Variants in KHDRBS3 observed in about 807,000 individuals in gnomAD.
KHDRBS3 encodes the protein KH RNA binding domain containing, signal transduction associated 3, also known as KH domain-containing, RNA-binding, signal transduction-associated protein 3.
KHDRBS3 carries 23 observed loss-of-function variants against 45.6 expected under a neutral mutation model. The observed-to-expected ratio is 0.50, with a 90% CI of 0.36 to 0.72. The LOEUF is 0.72. Ranked by LOEUF, KHDRBS3 falls within the 30% of genes least tolerant of loss-of-function variation. KHDRBS3 has a pLI of 0.00. For missense variants in KHDRBS3, 352 were observed against 424.8 expected, an observed-to-expected ratio of 0.83 and a Z score of 1.51; for synonymous variants, 162 against 156.5, an observed-to-expected ratio of 1.04 and a Z score of -0.26.
chr8:135,520,312 A>C (rs1392570252), intron 1 of KHDRBS3, among the ~76,000 whole-genome samples: 1 of 152,174 alleles, frequency 6.6e-6, no homozygotes, highest in Admixed American at 6.5e-5. Context: ...TGGAGGTAAC[A>C]GTACTCATTC....
intron 1 of KHDRBS3, among the ~76,000 whole-genome samples, chr8:135,472,149 G>A (rs576540390): frequency 7.9e-5 from 12 of 152,182 alleles, no homozygotes; most frequent in Non-Finnish European, 1.8e-4. Context: ...TACTGATTTT[G>A]AGGAGAGATC....
intron 7 of KHDRBS3, among the ~76,000 whole-genome samples, chr8:135,635,174 T>C (rs1830758311): frequency 6.6e-6 from 1 of 152,260 alleles, no homozygotes; most frequent in African/African-American, 2.4e-5. Context: ...TCTATTTTTA[T>C]GAAAAATCTC....
Position 135,604,923 on chromosome 8 carries a change from GTC to G in KHDRBS3, c.808-2030_808-2029del, listed in dbSNP as rs796462908. On this transcript the variant is annotated intron_variant, in intron 6 of 8. Transcript: ENST00000355849. ...CTGGATGGAGAAATTTTAGTTGACA[GTC>G]TTTTTTTTTTTCTTAAGAACTTGTT... 2.7e-3 allele frequency among the ~76,000 whole-genome samples: 408 copies of G among 150,748 alleles called. 3 individuals carry two copies. Among genetic ancestry groups the G allele is most frequent in the African/African-American group, 9.3e-3 (382 of 41,258 alleles).
At chr8:135,639,628 C>G (rs1374694484) in intron 7 of KHDRBS3, among the ~76,000 whole-genome samples, 1 of 152,108 alleles carries the variant, frequency 6.6e-6, no homozygotes, top group Non-Finnish European at 1.5e-5. Flanking sequence ...TAAAGAAGTA[C>G]CTGGGGCTGG....
intron 1 of KHDRBS3, among the ~76,000 whole-genome samples, chr8:135,463,870 G>A (rs1184206908): frequency 1.3e-5 from 2 of 152,202 alleles, no homozygotes; most frequent in Non-Finnish European, 2.9e-5. Context: ...TAGAAGGAGA[G>A]TGTTCCTTGG....
chr8:135,580,800 A>C (rs951437222), intron 5 of KHDRBS3, among the ~76,000 whole-genome samples: 12 of 151,872 alleles, frequency 7.9e-5, no homozygotes, highest in Admixed American at 3.3e-4. Context: ...TTTAGTAGAG[A>C]TGGAGTTTTG....
At chr8:135,653,107 A>G (rs763808566) in intron 4 of KHDRBS3, among the ~76,000 whole-genome samples, 1 of 152,220 alleles carries the variant, frequency 6.6e-6, no homozygotes, top group Non-Finnish European at 1.5e-5. Context: ...CCTAACAGAC[A>G]GTCAAAACAA....
At chr8:135,650,562 C>G (rs1455542727), downstream of KHDRBS3, among the ~76,000 whole-genome samples, 1 of 152,204 alleles carries the variant, frequency 6.6e-6, no homozygotes, top group African/African-American at 2.4e-5. Context: ...AGGTGAATTT[C>G]ACACTTATGT....
At chr8:135,509,919 GAT>G (rs1320777523) in intron 1 of KHDRBS3, among the ~76,000 whole-genome samples, 1 of 147,980 alleles carries the variant, frequency 6.8e-6, no homozygotes, top group African/African-American at 2.6e-5. Flanking sequence ...CATTCTATAA[GAT>G]AAGAGCTATT....
intron 1 of KHDRBS3, among the ~76,000 whole-genome samples, chr8:135,520,181 T>C (rs1824836354): frequency 6.6e-6 from 1 of 152,238 alleles, no homozygotes; most frequent in South Asian, 2.1e-4. Flanking sequence ...TAAATGTTCC[T>C]AGCTTAACAA....
At chr8:135,506,511 C>A (rs1416029480) in intron 1 of KHDRBS3, among the ~76,000 whole-genome samples, 1 of 150,778 alleles carries the variant, frequency 6.6e-6, no homozygotes, top group African/African-American at 2.4e-5. Context: ...TCAAGCAATT[C>A]TCCTGCCTCA....
chr8:135,645,992 A>ATTTTTTT (rs57082119), intron 8 of KHDRBS3, among the ~76,000 whole-genome samples: 10 of 100,712 alleles, frequency 9.9e-5, no homozygotes, highest in East Asian at 2.9e-4. Flanking sequence ...TGCACCTTGG[A>ATTTTTTT]TTTTTTTTTT....
intron 4 of KHDRBS3, chr8:135,549,257 T>C (rs1013996782): frequency 6.1e-6 from 1 of 162,744 alleles, no homozygotes; most frequent in African/African-American, 2.4e-5. Flanking sequence ...CTGTGTGCCA[T>C]GCACAGTGCT....
At chr8:135,626,034 G>A (rs1163469766) in intron 7 of KHDRBS3, 3 of 604,600 alleles carry the variant, frequency 5.0e-6, no homozygotes, top group South Asian at 4.2e-5. Flanking sequence ...TCCGGTTCCA[G>A]TTCCTTACTT....
intron 5 of KHDRBS3, among the ~76,000 whole-genome samples, chr8:135,560,684 C>T (rs1332786779): frequency 6.6e-6 from 1 of 152,184 alleles, no homozygotes; most frequent in Non-Finnish European, 1.5e-5. Context: ...CAGATGAAAA[C>T]TCATCCCTCG....
chr8:135,593,430 C>CT (rs1828836225), intron 6 of KHDRBS3: 1 of 152,092 alleles, frequency 6.6e-6, no homozygotes, highest in Non-Finnish European at 1.5e-5. Flanking sequence ...CTCCATTATA[C>CT]TTTAAGTTGT....
At chr8:135,556,417 G>C (rs1826889124) in intron 4 of KHDRBS3, among the ~76,000 whole-genome samples, 1 of 152,136 alleles carries the variant, frequency 6.6e-6, no homozygotes, top group Admixed American at 6.5e-5. Context: ...ACTTTTTAAT[G>C]ATTGCCATTC....
intron 1 of KHDRBS3, among the ~76,000 whole-genome samples, chr8:135,469,736 C>G (rs901333645): frequency 5.9e-5 from 9 of 152,100 alleles, no homozygotes; most frequent in African/African-American, 2.2e-4. Flanking sequence ...ACCCTGTTGG[C>G]CAGGCTGGTC....
At chr8:135,471,754 T>C (rs933128432) in intron 1 of KHDRBS3, among the ~76,000 whole-genome samples, 2 of 152,232 alleles carry the variant, frequency 1.3e-5, no homozygotes, top group Non-Finnish European at 2.9e-5. Flanking sequence ...TCTGAGCTCG[T>C]AGGGCTCCCT....
Sources: allele counts gnomAD v4.1 joint callset (sites outside exome capture counted in the v4.1 genomes callset), GRCh38; gene constraint gnomAD v4.1.1; transcripts MANE v1.5; gene names NCBI Gene and HGNC (gene_info 2026-07-23, HGNC 2026-07-21).